CPXM2: variants seen among roughly 807,000 people sequenced by gnomAD.
CPXM2 encodes inactive carboxypeptidase-like protein X2.
CPXM2 carries 66 observed loss-of-function variants against 86.1 expected under a neutral mutation model. The ratio of observed to expected loss-of-function variants is 0.77; its 90% CI spans 0.63 to 0.94. CPXM2 has a LOEUF of 0.94. Ranked by LOEUF, CPXM2 falls within the 40% of genes least tolerant of loss-of-function variation. CPXM2 has a pLI of 0.00. For missense variants in CPXM2, 948 were observed against 1,026.3 expected, an observed-to-expected ratio of 0.92 and a Z score of 1.04; for synonymous variants, 388 against 400.2, an observed-to-expected ratio of 0.97 and a Z score of 0.36.
At chr10:123,859,190 G>C (rs1848802770) in intron 3 of CPXM2, among the ~76,000 whole-genome samples, 1 of 152,228 alleles carries the variant, frequency 6.6e-6, no homozygotes, top group Non-Finnish European at 1.5e-5. Flanking sequence ...ACATCTTGGG[G>C]TTTCTCGATC....
At position 123,746,472 on chromosome 10, in the gene CPXM2, T is replaced by TC. The variant is rs1845973143; in HGVS notation, c.*291dup. ...AGCCAGAGGCTCTGAACGGACAGGC[T>TC]CCCCTCCTTCTCCTTCTCTCTCTGA... On this transcript the variant is annotated 3_prime_UTR_variant, in exon 14 of 14. Coordinates refer to ENST00000241305, the MANE Select transcript of CPXM2 (RefSeq NM_198148.3). 1 of 455,224 alleles carries TC rather than the reference T, an allele frequency of 2.2e-6. No individual in the cohort carries two copies. 28.2% of individuals were successfully genotyped at this position (455,224 alleles called of 1,614,324 possible).
At chr10:123,755,724 G>A (rs1170820649) in intron 12 of CPXM2, among the ~76,000 whole-genome samples, 1 of 152,174 alleles carries the variant, frequency 6.6e-6, no homozygotes, top group Non-Finnish European at 1.5e-5. Context: ...TTATGCCTCA[G>A]TTTCCCCACC....
rs756077490 is a variant in CPXM2, at chr10:123,784,454, CT to C, written c.890-4200del. On this transcript the variant is annotated intron_variant, in intron 6 of 13. Transcript: ENST00000241305. ...AAGCTACCACCTGCCCTAAACATCT[CT>C]GCCTCCTCACCCCTGAGTCCTCCTG... Among the ~76,000 whole-genome samples the C allele has an allele frequency of 3.9e-5, 6 of 152,278 alleles. No homozygotes were observed. The South Asian group carries it at 1.2e-3, about 32-fold the overall frequency.
At chr10:123,884,357 G>A (rs986468335) in intron 1 of CPXM2, among the ~76,000 whole-genome samples, 4 of 152,184 alleles carry the variant, frequency 2.6e-5, no homozygotes, top group African/African-American at 4.8e-5. Flanking sequence ...AGGGAGAGCC[G>A]GGAGAACTTC....
At chr10:123,919,277 T>C (rs1945562017) in intron 2 of CPXM2, among the ~76,000 whole-genome samples, 1 of 152,234 alleles carries the variant, frequency 6.6e-6, no homozygotes, top group South Asian at 2.1e-4. Flanking sequence ...GGTCCATTCC[T>C]AACCAGCTTG....
At chr10:123,831,969 G>A (rs1848176058) in intron 4 of CPXM2, among the ~76,000 whole-genome samples, 1 of 133,596 alleles carries the variant, frequency 7.5e-6, no homozygotes, top group Non-Finnish European at 1.6e-5. Context: ...CAGGGGGTGG[G>A]GGTTGTGGGG....
intron 2 of CPXM2, among the ~76,000 whole-genome samples, chr10:123,875,807 C>CTTTTTTTTTT (rs780970130): frequency 1.7e-4 from 14 of 84,664 alleles, no homozygotes; most frequent in East Asian, 7.4e-4. Context: ...TCTTTTCTTT[C>CTTTTTTTTTT]TTTTTTTTTT....
chr10:123,809,166 G>A (rs1356355343), intron 4 of CPXM2, among the ~76,000 whole-genome samples: 1 of 152,078 alleles, frequency 6.6e-6, no homozygotes, highest in Non-Finnish European at 1.5e-5. Context: ...ACATGATATG[G>A]CAGTGCTTAT....
intron 3 of CPXM2, among the ~76,000 whole-genome samples, chr10:123,853,410 T>G (rs547894957): frequency 1.7e-4 from 26 of 152,306 alleles, no homozygotes; most frequent in African/African-American, 5.8e-4. Context: ...AATCCTTGTT[T>G]TGGTCATTTA....
At chr10:123,794,273 C>T (rs966742993) in intron 6 of CPXM2, among the ~76,000 whole-genome samples, 4 of 152,178 alleles carry the variant, frequency 2.6e-5, no homozygotes, top group East Asian at 1.9e-4. Flanking sequence ...GCCAGGAAGA[C>T]GAGGTGGAAA....
In CPXM2 at chr10:123,885,216, G is replaced by A. The variant is rs1564812704; in HGVS notation, c.305-4907C>T. Among the ~76,000 whole-genome samples, 1 of 152,192 alleles carries A rather than the reference G, an allele frequency of 6.6e-6. No individual in the cohort carries two copies. The highest frequency in any genetic ancestry group is 1.5e-5 in the Non-Finnish European group (1 of 68,028). ...CTCAACCTGGCTGGGGACTCAGGGT[G>A]GGGTTGGGAGGGGAGATGCCTCTGA... On this transcript the variant is annotated intron_variant, in intron 1 of 13. Coordinates refer to ENST00000241305, the MANE Select transcript of CPXM2 (RefSeq NM_198148.3). This position sits in a 1 kb window ranked among gnomAD's most constrained non-coding sequence, Gnocchi z 4.0.
At chr10:123,923,004 G>C (rs1273606935) in intron 2 of CPXM2, among the ~76,000 whole-genome samples, 1 of 152,094 alleles carries the variant, frequency 6.6e-6, no homozygotes, top group African/African-American at 2.4e-5. Flanking sequence ...CTCCACCCTC[G>C]CCTAGGAAGT....
intron 13 of CPXM2, among the ~76,000 whole-genome samples, chr10:123,747,832 G>T (rs1268016124): frequency 2.0e-5 from 3 of 147,712 alleles, no homozygotes; most frequent in African/African-American, 7.6e-5. Context: ...TGAGACAGGA[G>T]AATCACTTGA....
At chr10:123,880,633 T>C (rs77657416) in intron 1 of CPXM2, among the ~76,000 whole-genome samples, 2,864 of 151,868 alleles carry the variant, frequency 0.019, 67 homozygotes, top group East Asian at 0.12. Context: ...ATCAAGACCA[T>C]CCTGGCTAAC....
intron 1 of CPXM2, among the ~76,000 whole-genome samples, chr10:123,883,868 GAAGA>G (rs1203578493): frequency 6.6e-6 from 1 of 152,138 alleles, no homozygotes. Flanking sequence ...GCAGATGAAA[GAAGA>G]AAGCAAAATG....
chr10:123,809,083 C>G (rs1847637896), intron 4 of CPXM2, among the ~76,000 whole-genome samples: 1 of 152,128 alleles, frequency 6.6e-6, no homozygotes, highest in South Asian at 2.1e-4. Flanking sequence ...ACCCCTTTGT[C>G]TAGCACATCC....
rs536516796 is a variant in CPXM2, at chr10:123,747,741, G to A, written c.2018-724C>T. 5.9e-5 allele frequency among the ~76,000 whole-genome samples: 9 copies of A among 152,148 alleles called. No homozygotes were observed. The South Asian group carries it at 8.3e-4, about 14-fold the overall frequency. On this transcript the variant is annotated intron_variant, in intron 13 of 13. Coordinates refer to ENST00000241305, the MANE Select transcript of CPXM2 (RefSeq NM_198148.3). ...TAGGCTAGATCCCTGTGGTGGGCAC[G>A]GTGGTTCATGCCTGTAATCTCAGCA...
intron 3 of CPXM2, among the ~76,000 whole-genome samples, chr10:123,860,954 C>T (rs764670552): frequency 2.0e-5 from 3 of 152,036 alleles, no homozygotes; most frequent in African/African-American, 7.3e-5. Context: ...TGAAAAGTGG[C>T]GGAGGTTAAG....
At chr10:123,848,164 G>A (rs543999599) in intron 3 of CPXM2, among the ~76,000 whole-genome samples, 45 of 152,256 alleles carry the variant, frequency 3.0e-4, no homozygotes, top group Middle Eastern at 3.4e-3. Context: ...TCTAAAAAAC[G>A]TTAGCTGTGA....
Sources: allele counts gnomAD v4.1 joint callset (sites outside exome capture counted in the v4.1 genomes callset), GRCh38; gene constraint gnomAD v4.1.1; non-coding constraint Gnocchi (gnomAD v3.1); transcripts MANE v1.5; gene names NCBI Gene and HGNC (gene_info 2026-07-23, HGNC 2026-07-21).